PXDNL: variants seen among roughly 807,000 people sequenced by gnomAD.
PXDNL encodes the protein peroxidasin like, also known as probable oxidoreductase PXDNL.
PXDNL carries 145 observed loss-of-function variants against 150.8 expected under a neutral mutation model. The observed-to-expected ratio is 0.96, with a 90% CI of 0.84 to 1.10. The LOEUF (loss-of-function observed/expected upper bound fraction) is 1.10, where lower values mean the gene tolerates loss of function less well. Among genes scored for constraint, PXDNL ranks in the 50% least tolerant of loss-of-function variants. The pLI is 0.00. For synonymous variants in PXDNL, 757 were observed against 725.7 expected (o/e 1.04, Z -0.69); for missense variants, 2,087 against 1,873.9 (o/e 1.11, Z -2.10).
chr8:51,738,672 C>G (rs913157708), intron 1 of PXDNL, among the ~76,000 whole-genome samples: 1 of 152,018 alleles, frequency 6.6e-6, no homozygotes, highest in Non-Finnish European at 1.5e-5. Context: ...AAATCACAAA[C>G]TACCAAAACT....
intron 1 of PXDNL, among the ~76,000 whole-genome samples, chr8:51,794,755 G>C (rs960150201): frequency 9.2e-5 from 14 of 152,080 alleles, no homozygotes; most frequent in African/African-American, 2.7e-4. Context: ...ACATCAACAA[G>C]TCTCCAAAAT....
At chr8:51,737,088 T>G (rs1817053338) in intron 1 of PXDNL, among the ~76,000 whole-genome samples, 1 of 152,188 alleles carries the variant, frequency 6.6e-6, no homozygotes, top group South Asian at 2.1e-4. Context: ...ACCTCTTCAT[T>G]CATCAATATC....
In PXDNL at chr8:51,754,511, C is replaced by CTT. The variant is rs34658512; in HGVS notation, c.164+54668_164+54669dup. Among the ~76,000 whole-genome samples, 247 of 149,562 alleles carry CTT rather than the reference C, an allele frequency of 1.7e-3. 2 individuals are homozygous for CTT. The East Asian group carries it at 0.023, about 14-fold the overall frequency. On this transcript the variant is annotated intron_variant, in intron 1 of 22. Coordinates refer to ENST00000356297, the MANE Select transcript of PXDNL (RefSeq NM_144651.5). ...CCAGGCCTTGAAAGTCAAGTCATTT[C>CTT]TTTTTTTTTTGAGGCAGAGTCTCGC...
chr8:51,419,172 C>T (rs1165550819), intron 14 of PXDNL, among the ~76,000 whole-genome samples: 2 of 152,176 alleles, frequency 1.3e-5, no homozygotes, highest in Non-Finnish European at 2.9e-5. Flanking sequence ...GACAATTAGA[C>T]ACTTACCTAG....
chr8:51,476,893 T>C (rs1810491052), intron 6 of PXDNL, among the ~76,000 whole-genome samples: 1 of 152,196 alleles, frequency 6.6e-6, no homozygotes, highest in Non-Finnish European at 1.5e-5. Flanking sequence ...ATTTAATAAC[T>C]TTTAATCAAA....
At chr8:51,471,303 A>G (rs1465858028) in intron 8 of PXDNL, among the ~76,000 whole-genome samples, 1 of 152,270 alleles carries the variant, frequency 6.6e-6, no homozygotes, top group South Asian at 2.1e-4. Context: ...CACGCCAGTT[A>G]GAATGGTGAT....
chr8:51,536,583 G>A (rs1812083112), intron 4 of PXDNL, among the ~76,000 whole-genome samples: 1 of 151,966 alleles, frequency 6.6e-6, no homozygotes, highest in Admixed American at 6.6e-5. Flanking sequence ...CAGTGCCCAG[G>A]ACAGGGTGGC....
chr8:51,537,947 C>T (rs1585561417), intron 4 of PXDNL, among the ~76,000 whole-genome samples: 1 of 152,134 alleles, frequency 6.6e-6, no homozygotes, highest in South Asian at 2.1e-4. Flanking sequence ...GCCAATCCTG[C>T]CCCAGAAAAG....
chr8:51,621,571 A>T (rs1213481816), intron 2 of PXDNL, among the ~76,000 whole-genome samples: 1 of 151,918 alleles, frequency 6.6e-6, no homozygotes, highest in African/African-American at 2.4e-5. Flanking sequence ...AGACCCCAGG[A>T]TCTATTCCTC....
At position 51,377,949 on chromosome 8, in the gene PXDNL, G is replaced by A. The variant is rs574150472; in HGVS notation, c.3558-3218C>T. Among the ~76,000 whole-genome samples, 345 of 152,352 alleles carry A rather than the reference G, an allele frequency of 2.3e-3. 1 individual carries two copies. Among genetic ancestry groups the A allele is most frequent in the Non-Finnish European group, 3.4e-3 (232 of 68,034 alleles). On this transcript the variant is annotated intron_variant, in intron 17 of 22. Transcript: ENST00000356297. ...GGCAGGCAGCTCCACCTGCAGCCCC[G>A]TGCGGTATCCACTGGGTGAAGCCAG...
At position 51,423,584 on chromosome 8, in the gene PXDNL, T is replaced by C; in HGVS notation, c.1786A>G (p.Thr596Ala). ...FGLAVTNMFL[T>A]VTAIQGRQAG... ...AGCTATAGACACCTACCCGTGACTG[T>C]AAGAAACATGTTGGTCACAGCAAGG... Residue 596 changes from threonine (T) to alanine (A), a missense_variant, in exon 14 of 23, where the codon ACA becomes GCA. By Grantham distance (58) the Thr-to-Ala change is moderately conservative (BLOSUM62 0). Coordinates refer to ENST00000356297, the MANE Select transcript of PXDNL (RefSeq NM_144651.5). The C allele has an allele frequency of 1.2e-6, 2 of 1,613,646 alleles. No individual in the cohort carries two copies. The highest frequency in any genetic ancestry group is 1.7e-6 in the Non-Finnish European group (2 of 1,179,712).
At chr8:51,526,115 G>A (rs1417755828) in intron 4 of PXDNL, among the ~76,000 whole-genome samples, 2 of 152,160 alleles carry the variant, frequency 1.3e-5, no homozygotes, top group Non-Finnish European at 2.9e-5. Flanking sequence ...TCCTCAGAAT[G>A]TTCCCAATGT....
chr8:51,735,206 T>C (rs1215283712), intron 1 of PXDNL, among the ~76,000 whole-genome samples: 2 of 152,212 alleles, frequency 1.3e-5, no homozygotes, highest in East Asian at 3.9e-4. Context: ...TGTGGCCAGG[T>C]GCAGTGGCCC....
chr8:51,438,512 G>A (rs1004086781), intron 12 of PXDNL, among the ~76,000 whole-genome samples: 4 of 152,096 alleles, frequency 2.6e-5, no homozygotes, highest in African/African-American at 7.2e-5. Flanking sequence ...TCAGGAGATC[G>A]AGACCATCCT....
chr8:51,488,957 A>C (rs1199661401), intron 5 of PXDNL, among the ~76,000 whole-genome samples: 2 of 152,228 alleles, frequency 1.3e-5, no homozygotes, highest in African/African-American at 2.4e-5. Context: ...AACAAGGATA[A>C]GTTTCTATAG....
In PXDNL at chr8:51,482,532, G is replaced by T. The variant is rs1199563619; in HGVS notation, c.524+1111C>A. Among the ~76,000 whole-genome samples, 4 of 151,952 alleles carry T rather than the reference G, an allele frequency of 2.6e-5. No homozygotes were observed. The East Asian group carries it at 7.7e-4, about 29-fold the overall frequency. ...TTTCAAATGTGAGGATATGAGATTT[G>T]GGAGGGGCCAGGGGCGGAATGATAT... On this transcript the variant is annotated intron_variant, in intron 6 of 22. Coordinates refer to ENST00000356297, the MANE Select transcript of PXDNL (RefSeq NM_144651.5).
intron 3 of PXDNL, among the ~76,000 whole-genome samples, chr8:51,571,918 G>A (rs1281399935): frequency 6.6e-6 from 1 of 151,854 alleles, no homozygotes; most frequent in Non-Finnish European, 1.5e-5. Flanking sequence ...CAAGAAATGT[G>A]TAGAATAAGT....
intron 2 of PXDNL, among the ~76,000 whole-genome samples, chr8:51,653,193 A>T (rs1815076573): frequency 6.6e-6 from 1 of 152,082 alleles, no homozygotes; most frequent in Non-Finnish European, 1.5e-5. Flanking sequence ...GCCGAGGCGG[A>T]TGGATCACAA....
Position 51,374,719 on chromosome 8 carries a change from A to C in PXDNL, c.3570T>G (p.Ser1190=). The change falls in exon 18 of 23, where the codon TCT becomes TCG. Residue 1190 remains serine (S), a synonymous_variant. Coordinates refer to ENST00000356297, the MANE Select transcript of PXDNL (RefSeq NM_144651.5). ...CGGGCCAGAGGTCAATGTCACCTGG[A>C]GAGCCGTACAACCTGGAACAGAGAC... is the stretch of plus-strand genomic sequence containing the variant. The part of the protein sequence containing the change: ...IRQKLRKLYG[S]PGDIDLWPAL... 1 of 1,613,962 alleles carries C rather than the reference A, an allele frequency of 6.2e-7. No homozygotes were observed. Among genetic ancestry groups the C allele is most frequent in the East Asian group, 2.2e-5 (1 of 44,880 alleles).
Sources: allele counts gnomAD v4.1 joint callset (sites outside exome capture counted in the v4.1 genomes callset), GRCh38; gene constraint gnomAD v4.1.1; transcripts MANE v1.5; gene names NCBI Gene and HGNC (gene_info 2026-07-23, HGNC 2026-07-21).